The following COG7 variants were observed in gnomAD, a reference collection of about 807,000 sequenced individuals.
COG7 encodes the protein conserved oligomeric Golgi complex subunit 7.
COG7 carries 49 observed loss-of-function variants against 91.5 expected under a neutral mutation model. The observed-to-expected ratio is 0.54, with a 90% CI of 0.43 to 0.68. The LOEUF is 0.68. Among genes scored for constraint, COG7 ranks in the 30% least tolerant of loss-of-function variants. COG7 has a pLI of 0.00. For missense variants in COG7, 895 were observed against 961.3 expected (o/e 0.93, Z 0.91); for synonymous variants, 365 against 388.7 (o/e 0.94, Z 0.72).
intron 7 of COG7, among the ~76,000 whole-genome samples, chr16:23,421,743 C>CAGG (rs1963759190): frequency 6.7e-6 from 1 of 149,140 alleles, no homozygotes; most frequent in Non-Finnish European, 1.5e-5. Context: ...CAAAATGTGT[C>CAGG]AGGAGGCTGA....
In COG7 at chr16:23,420,513, T is replaced by A. The variant is rs529355473; in HGVS notation, c.1010-1686A>T. The stretch of plus-strand genomic sequence containing the variant: ...CTCTCAGTTCCTAAAAGCTTCCTTC[T>A]GTTCACATGCTGATCCTCTGTCTGG... On this transcript the variant is annotated intron_variant, in intron 7 of 16. Transcript: ENST00000307149. Among the ~76,000 whole-genome samples the A allele has an allele frequency of 7.2e-5, 11 of 152,276 alleles. No individual in the cohort carries two copies. In the South Asian group the frequency reaches 2.3e-3, roughly 32 times the overall value.
At chr16:23,413,813 A>G in intron 9 of COG7, 2 of 427,122 alleles carry the variant, frequency 4.7e-6, no homozygotes, top group Non-Finnish European at 8.8e-6. Context: ...GGAAGGAATA[A>G]TCGTGAAGTT....
intron 6 of COG7, among the ~76,000 whole-genome samples, chr16:23,431,811 GAAAAAAAA>G (rs1173401499): frequency 4.6e-5 from 2 of 43,228 alleles, no homozygotes; most frequent in African/African-American, 8.2e-5. Flanking sequence ...TCTGTCTGAA[GAAAAAAAA>G]AAAAAAAAAA....
rs1361687574 is a variant in COG7, at chr16:23,394,880, ACTGCAACCT to A, written c.1888-1542_1888-1534del. 4 of 150,984 alleles carry A rather than the reference ACTGCAACCT, an allele frequency of 2.6e-5. No homozygotes were observed. In the East Asian group the frequency reaches 7.7e-4, roughly 29 times the overall value. The allele number at this position is 150,984 out of a possible 1,614,324, so 9.4% of individuals were successfully genotyped here. On this transcript the variant is annotated intron_variant, in intron 14 of 16. Transcript: ENST00000307149. ...GAGTGCAATGGTGCAATCTCGGCTC[ACTGCAACCT>A]CCGCCTCCTGGGTTCAAGCAATTCT...
chr16:23,420,272 T>C (rs758267304), intron 7 of COG7, among the ~76,000 whole-genome samples: 22 of 152,176 alleles, frequency 1.4e-4, no homozygotes, highest in Non-Finnish European at 2.4e-4. Context: ...CTGAAAATCA[T>C]CTCAAAGAAA....
At chr16:23,418,400 G>A (rs1179493743) in intron 8 of COG7, among the ~76,000 whole-genome samples, 2 of 152,144 alleles carry the variant, frequency 1.3e-5, no homozygotes, top group African/African-American at 4.8e-5. Flanking sequence ...AGCTACTCAG[G>A]AGGCTGAGGC....
chr16:23,435,561 G>C (rs886786462), intron 4 of COG7, among the ~76,000 whole-genome samples: 1 of 152,192 alleles, frequency 6.6e-6, no homozygotes, highest in Non-Finnish European at 1.5e-5. Flanking sequence ...CAGACAGGAA[G>C]GTGGGTTTCA....
chr16:23,416,680 CTAAGG>C (rs1482220417), intron 9 of COG7: 1 of 465,186 alleles, frequency 2.1e-6, no homozygotes, highest in African/African-American at 2.0e-5. Context: ...TTTAACTTGT[CTAAGG>C]TTTCTTTTTT....
chr16:23,451,304 A>C (rs571001224), intron 1 of COG7, among the ~76,000 whole-genome samples: 7 of 152,238 alleles, frequency 4.6e-5, no homozygotes, highest in African/African-American at 1.7e-4. Context: ...ACTTGTGTGC[A>C]GTACGTACTG....
At chr16:23,404,287 G>C (rs959166648) in intron 12 of COG7, among the ~76,000 whole-genome samples, 3 of 152,252 alleles carry the variant, frequency 2.0e-5, no homozygotes, top group Non-Finnish European at 4.4e-5. Context: ...GAAAGCCAAA[G>C]TATGTACAAC....
At position 23,388,886 on chromosome 16, in the gene COG7, C is replaced by T. The variant is rs752838800; in HGVS notation, c.*34G>A. On this transcript the variant is annotated 3_prime_UTR_variant, in exon 17 of 17. Transcript: ENST00000307149. Reference sequence around the variant, plus strand: ...TGCTGGTGAGTCGCGAAACAGCAGCCCTGGCTCTCTTGGTGGTCCGGTGTG... The same window carrying T: ...TGCTGGTGAGTCGCGAAACAGCAGCTCTGGCTCTCTTGGTGGTCCGGTGTG... 1.2e-5 allele frequency: 19 copies of T among 1,613,566 alleles called. No homozygotes were observed. Among genetic ancestry groups the T allele is most frequent in the Non-Finnish European group, 1.6e-5 (19 of 1,179,812 alleles).
At chr16:23,442,398 C>A in intron 4 of COG7, 79 bp downstream of exon 4, 1 of 1,230,270 alleles carries the variant, frequency 8.1e-7, no homozygotes, top group Non-Finnish European at 1.2e-6. Context: ...ACCATTAAGA[C>A]ATTCTAAAAA....
At chr16:23,427,617 T>G (rs1257010396) in intron 6 of COG7, among the ~76,000 whole-genome samples, 1 of 152,186 alleles carries the variant, frequency 6.6e-6, no homozygotes, top group Non-Finnish European at 1.5e-5. Flanking sequence ...AATTCATTGT[T>G]TTGCCACTGA....
At chr16:23,438,612 C>T (rs1172787483) in intron 4 of COG7, among the ~76,000 whole-genome samples, 1 of 151,738 alleles carries the variant, frequency 6.6e-6, no homozygotes, top group Admixed American at 6.6e-5. Flanking sequence ...GACATTTTTC[C>T]AGGAATATAC....
intron 10 of COG7, among the ~76,000 whole-genome samples, chr16:23,410,760 C>G (rs773522137): frequency 7.9e-5 from 12 of 152,162 alleles, no homozygotes; most frequent in Non-Finnish European, 1.5e-4. Flanking sequence ...GGCTGGAGTG[C>G]AATGGCGTCA....
chr16:23,429,378 G>A (rs960395057), intron 6 of COG7, among the ~76,000 whole-genome samples: 103 of 136,882 alleles, frequency 7.5e-4, no homozygotes, highest in Non-Finnish European at 1.5e-4. Flanking sequence ...GGGAACATGT[G>A]TCTACAAAAA....
chr16:23,416,847 T>C (rs1289333830), intron 9 of COG7, 120 bp downstream of exon 9: 3 of 1,136,210 alleles, frequency 2.6e-6, no homozygotes, highest in Non-Finnish European at 3.9e-6. Context: ...CAACATCCTC[T>C]TGGGTTCAGG....
At chr16:23,438,337 T>C (rs1050140527) in intron 4 of COG7, among the ~76,000 whole-genome samples, 2 of 151,940 alleles carry the variant, frequency 1.3e-5, no homozygotes, top group Non-Finnish European at 2.9e-5. Context: ...GGAGGGAGGA[T>C]TGTTTGAGTC....
intron 14 of COG7, among the ~76,000 whole-genome samples, chr16:23,395,674 C>T (rs1345912505): frequency 6.6e-6 from 1 of 152,184 alleles, no homozygotes; most frequent in Non-Finnish European, 1.5e-5. Flanking sequence ...GTGCAGGTTT[C>T]TCTCAGGGAT....
Sources: allele counts gnomAD v4.1 joint callset (sites outside exome capture counted in the v4.1 genomes callset), GRCh38; gene constraint gnomAD v4.1.1; transcripts MANE v1.5; gene names NCBI Gene and HGNC (gene_info 2026-07-23, HGNC 2026-07-21).